Variants in RPS6KC1 observed in about 807,000 individuals in gnomAD.
RPS6KC1 encodes the protein ribosomal protein S6 kinase C1.
In RPS6KC1, 54 loss-of-function variants were observed where a neutral mutation model predicts 103.8. The observed-to-expected ratio is 0.52, with a 90% CI of 0.42 to 0.65. RPS6KC1 has a LOEUF of 0.65. RPS6KC1 is among the 30% of genes least tolerant of loss of function. The probability of loss-of-function intolerance (pLI) is 0.00; values close to 1 mark genes in which losing one functional copy is unlikely to be tolerated. For synonymous variants in RPS6KC1, 439 were observed against 438.7 expected (o/e 1.00, Z -0.01); for missense variants, 1,151 against 1,253.8 (o/e 0.92, Z 1.24).
At chr1:213,051,726 T>C (rs1007959624) in intron 1 of RPS6KC1, among the ~76,000 whole-genome samples, 2 of 152,010 alleles carry the variant, frequency 1.3e-5, no homozygotes, top group African/African-American at 2.4e-5. Context: ...CGTGGTAGAG[T>C]CCTCTTTCTG....
the RPS6KC1 span, among the ~76,000 whole-genome samples, chr1:213,516,592 G>A: frequency 5.3e-5 from 8 of 152,162 alleles, no homozygotes; most frequent in Non-Finnish European, 1.2e-4. Context: ...ACTTGATCAT[G>A]GTGGATAAAG....
chr1:213,407,823 G>A, the RPS6KC1 span, among the ~76,000 whole-genome samples: 5 of 152,216 alleles, frequency 3.3e-5, no homozygotes, highest in Non-Finnish European at 2.9e-5. Flanking sequence ...TGACTGGACA[G>A]TCCATATGAT....
At chr1:213,071,140 T>G (rs1344460698) in intron 2 of RPS6KC1, 99 bp downstream of exon 2, 14 of 674,194 alleles carry the variant, frequency 2.1e-5, no homozygotes, top group Middle Eastern at 4.4e-4. Flanking sequence ...ATCAACCTCT[T>G]TTTTTTGAGA....
chr1:213,488,473 G>A, the RPS6KC1 span, among the ~76,000 whole-genome samples: 1 of 152,148 alleles, frequency 6.6e-6, no homozygotes, highest in African/African-American at 2.4e-5. Context: ...GTTTTATTTG[G>A]TAGTGTTGGT....
chr1:213,220,776 ACATTT>A (rs1285600555), intron 8 of RPS6KC1, among the ~76,000 whole-genome samples: 1 of 152,250 alleles, frequency 6.6e-6, no homozygotes, highest in Non-Finnish European at 1.5e-5. Flanking sequence ...TCCCGTGAAT[ACATTT>A]CTTTTACAAT....
chr1:213,246,837 C>T (rs1034270659), intron 12 of RPS6KC1, among the ~76,000 whole-genome samples: 2 of 151,896 alleles, frequency 1.3e-5, no homozygotes, highest in African/African-American at 4.8e-5. Flanking sequence ...TATGATCATG[C>T]CTGCGAATAG....
At chr1:213,502,962 T>C in the RPS6KC1 span, among the ~76,000 whole-genome samples, 1 of 152,172 alleles carries the variant, frequency 6.6e-6, no homozygotes, top group Non-Finnish European at 1.5e-5. Flanking sequence ...TTGAGGCTGA[T>C]CAGAGTAGGC....
chr1:213,261,502 T>C, intron 12 of RPS6KC1, 56 bp from the exon 13 acceptor site: 1 of 1,497,036 alleles, frequency 6.7e-7, no homozygotes. Flanking sequence ...CATGTTAATT[T>C]TGAAAGTTTA....
chr1:213,607,688 T>TACACACACACACAC, the RPS6KC1 span, among the ~76,000 whole-genome samples: 102 of 140,904 alleles, frequency 7.2e-4, no homozygotes, highest in African/African-American at 1.5e-3. Flanking sequence ...CAGTTGCAAT[T>TACACACACACACAC]ACACACACAC....
the RPS6KC1 span, among the ~76,000 whole-genome samples, chr1:213,430,777 G>A: frequency 6.6e-6 from 1 of 152,180 alleles, no homozygotes; most frequent in Non-Finnish European, 1.5e-5. Context: ...AAGCCACAAA[G>A]ATTCTCTGGA....
At chr1:213,091,103 G>C (rs1427853381) in intron 3 of RPS6KC1, among the ~76,000 whole-genome samples, 1 of 151,994 alleles carries the variant, frequency 6.6e-6, no homozygotes, top group Non-Finnish European at 1.5e-5. Flanking sequence ...TGTTGTCCAG[G>C]CTGGAGTGTA....
chr1:213,151,980 C>T (rs2089100324), intron 6 of RPS6KC1, among the ~76,000 whole-genome samples: 1 of 120,834 alleles, frequency 8.3e-6, no homozygotes, highest in South Asian at 2.7e-4. Context: ...CAGAGGGGCT[C>T]CTCACTTCCC....
At chr1:213,517,627 C>G in the RPS6KC1 span, among the ~76,000 whole-genome samples, 18 of 152,132 alleles carry the variant, frequency 1.2e-4, no homozygotes, top group Non-Finnish European at 2.6e-4. Context: ...TTTACATTTG[C>G]TGAGGAGTGC....
the RPS6KC1 span, among the ~76,000 whole-genome samples, chr1:213,599,481 A>G: frequency 2.6e-5 from 4 of 151,894 alleles, no homozygotes; most frequent in African/African-American, 9.7e-5. Flanking sequence ...GGGGGGAAAA[A>G]CATTCATGGC....
the RPS6KC1 span, among the ~76,000 whole-genome samples, chr1:213,324,013 T>C: frequency 2.0e-5 from 3 of 152,252 alleles, no homozygotes; most frequent in African/African-American, 7.2e-5. Flanking sequence ...TAGTTTTTAC[T>C]AACTTTATCT....
chr1:213,475,750 A>G, the RPS6KC1 span, among the ~76,000 whole-genome samples: 1 of 152,146 alleles, frequency 6.6e-6, no homozygotes, highest in Non-Finnish European at 1.5e-5. Flanking sequence ...TGGAGGTTCT[A>G]GCTATTTCAC....
chr1:213,778,532 G>A, the RPS6KC1 span, among the ~76,000 whole-genome samples: 13 of 152,126 alleles, frequency 8.5e-5, 1 homozygote, highest in Admixed American at 2.0e-4. Flanking sequence ...TTTAATTTAC[G>A]TGACTGCAAC....
intron 8 of RPS6KC1, among the ~76,000 whole-genome samples, chr1:213,226,481 C>T (rs2093965967): frequency 6.6e-6 from 1 of 152,162 alleles, no homozygotes; most frequent in Non-Finnish European, 1.5e-5. Context: ...TAAGTCTATC[C>T]TATCTGAAAA....
intron 8 of RPS6KC1, among the ~76,000 whole-genome samples, chr1:213,211,815 C>G (rs1417582826): frequency 6.6e-6 from 1 of 152,160 alleles, no homozygotes. Context: ...TTTTGCATCA[C>G]TTTAGTGCAG....
Sources: gnomAD v4.1 joint callset for allele counts (sites outside exome capture counted in the v4.1 genomes callset) on GRCh38, gnomAD v4.1.1 for gene constraint, MANE v1.5 for transcripts, NCBI Gene and HGNC (gene_info 2026-07-23, HGNC 2026-07-21) for gene names.